Variants in THSD7B observed in about 807,000 individuals in gnomAD.
THSD7B encodes the protein thrombospondin type-1 domain-containing protein 7B.
Under a neutral mutation model 213.6 loss-of-function variants are expected in THSD7B, and 138 were observed. That is an observed-to-expected ratio of 0.65 (90% confidence interval 0.56 to 0.74). The LOEUF is 0.74. Among genes scored for constraint, THSD7B ranks in the 30% least tolerant of loss-of-function variants. THSD7B has a pLI of 0.00. For missense variants in THSD7B, 1,931 were observed against 1,991.5 expected (o/e 0.97, Z 0.58); for synonymous variants, 742 against 687.0 (o/e 1.08, Z -1.25).
At chr2:137,515,871 C>T (rs1454455837) in intron 15 of THSD7B, among the ~76,000 whole-genome samples, 2 of 152,206 alleles carry the variant, frequency 1.3e-5, no homozygotes, top group Non-Finnish European at 2.9e-5. Flanking sequence ...TCCAGACCTA[C>T]TAATCGCAGC....
chr2:137,401,507 T>G (rs1264948407), intron 12 of THSD7B, among the ~76,000 whole-genome samples: 1 of 152,214 alleles, frequency 6.6e-6, no homozygotes, highest in Non-Finnish European at 1.5e-5. Flanking sequence ...TTTAGTGTTT[T>G]CATTTCCAGT....
chr2:136,924,122 AT>A (rs1429656674), intron 2 of THSD7B, among the ~76,000 whole-genome samples: 1 of 151,736 alleles, frequency 6.6e-6, no homozygotes, highest in Admixed American at 6.6e-5. Context: ...TTTTATTTTT[AT>A]TTTTTGAGAT....
chr2:136,878,004 A>G (rs903081239), intron 1 of THSD7B, among the ~76,000 whole-genome samples: 3 of 151,862 alleles, frequency 2.0e-5, no homozygotes, highest in Admixed American at 6.6e-5. Context: ...ATGTGCCATG[A>G]TGGTGTGCTG....
At chr2:137,345,269 G>A (rs575239440) in intron 12 of THSD7B, among the ~76,000 whole-genome samples, 12 of 151,742 alleles carry the variant, frequency 7.9e-5, no homozygotes, top group Admixed American at 5.9e-4. Context: ...GAGGTTAATC[G>A]AGGAAGTACA....
chr2:137,643,090 T>G (rs1354636749), intron 21 of THSD7B, among the ~76,000 whole-genome samples: 7 of 152,226 alleles, frequency 4.6e-5, no homozygotes, highest in African/African-American at 1.7e-4. Context: ...AAGTTATATT[T>G]TAACATTATT....
At chr2:137,566,186 C>A (rs976631447) in intron 16 of THSD7B, among the ~76,000 whole-genome samples, 2 of 152,106 alleles carry the variant, frequency 1.3e-5, no homozygotes, top group Admixed American at 6.6e-5. Flanking sequence ...TGAATATTTG[C>A]CTTCTATGTA....
chr2:136,949,430 A>C (rs1313235325), intron 2 of THSD7B, among the ~76,000 whole-genome samples: 1 of 152,254 alleles, frequency 6.6e-6, no homozygotes, highest in African/African-American at 2.4e-5. Context: ...ATTTGAAGCC[A>C]GCTGGACTTG....
intron 14 of THSD7B, among the ~76,000 whole-genome samples, chr2:137,446,676 C>T (rs1167779679): frequency 1.3e-5 from 2 of 151,928 alleles, no homozygotes; most frequent in African/African-American, 4.8e-5. Flanking sequence ...TAAAGTATCC[C>T]TAGGCCAAGT....
At chr2:136,850,890 A>G (rs1385578557) in intron 1 of THSD7B, among the ~76,000 whole-genome samples, 1 of 152,032 alleles carries the variant, frequency 6.6e-6, no homozygotes, top group African/African-American at 2.4e-5. Context: ...TATATGTCTT[A>G]AACTATCATT....
chr2:137,664,271 T>C (rs1683407052), intron 26 of THSD7B, among the ~76,000 whole-genome samples: 1 of 152,198 alleles, frequency 6.6e-6, no homozygotes, highest in Non-Finnish European at 1.5e-5. Context: ...ATAAGAAATG[T>C]CCAGAGATCC....
At chr2:137,050,753 T>C (rs755102210) in intron 2 of THSD7B, among the ~76,000 whole-genome samples, 4 of 152,238 alleles carry the variant, frequency 2.6e-5, no homozygotes, top group Admixed American at 6.5e-5. Flanking sequence ...TTTATTTTTT[T>C]AATGATTTTT....
chr2:136,856,909 TGAGA>T (rs758600204), intron 1 of THSD7B, among the ~76,000 whole-genome samples: 4 of 152,218 alleles, frequency 2.6e-5, no homozygotes, highest in African/African-American at 7.2e-5. Context: ...AGAAAGAGAA[TGAGA>T]GAGAAAGTGA....
At chr2:137,457,238 A>G (rs1687780781) in intron 15 of THSD7B, among the ~76,000 whole-genome samples, 1 of 152,114 alleles carries the variant, frequency 6.6e-6, no homozygotes, top group Non-Finnish European at 1.5e-5. Context: ...ATTTTCCTGT[A>G]TCTGTTGTCC....
At chr2:137,326,980 C>T (rs1043651254) in intron 12 of THSD7B, among the ~76,000 whole-genome samples, 1 of 152,172 alleles carries the variant, frequency 6.6e-6, no homozygotes, top group Admixed American at 6.5e-5. Flanking sequence ...GTGGTCAATG[C>T]TGGAATACTT....
In THSD7B at chr2:136,985,696, G is replaced by T. The variant is rs922225112; in HGVS notation, c.140-70724G>T. On this transcript the variant is annotated intron_variant, in intron 2 of 27. Coordinates refer to ENST00000409968, the MANE Select transcript of THSD7B (RefSeq NM_001316349.2). Reference sequence around the variant, plus strand: ...AGCCCCCACACAGAGTCCTCAACAGGGTACTGCCTGGTGGAGCTGTGGGAA... The same window carrying T: ...AGCCCCCACACAGAGTCCTCAACAGTGTACTGCCTGGTGGAGCTGTGGGAA... 1.3e-4 allele frequency among the ~76,000 whole-genome samples: 20 copies of T among 152,292 alleles called. No homozygotes were observed. In the East Asian group the frequency reaches 1.7e-3, roughly 13 times the overall value.
intron 7 of THSD7B, among the ~76,000 whole-genome samples, chr2:137,209,819 T>C (rs1252943148): frequency 6.6e-6 from 1 of 152,110 alleles, no homozygotes; most frequent in Non-Finnish European, 1.5e-5. Flanking sequence ...TCAAAATTCA[T>C]ATGGTGAAGT....
chr2:137,058,286 C>T (rs897956094), intron 3 of THSD7B, among the ~76,000 whole-genome samples: 2 of 152,094 alleles, frequency 1.3e-5, no homozygotes, highest in Non-Finnish European at 2.9e-5. Flanking sequence ...CTTTTTATTG[C>T]CTACTTCTTT....
intron 1 of THSD7B, among the ~76,000 whole-genome samples, chr2:136,831,959 C>A (rs138115858): frequency 1.3e-5 from 2 of 152,236 alleles, no homozygotes; most frequent in African/African-American, 4.8e-5. Flanking sequence ...TTGTCCTGCT[C>A]ATTTGGCACC....
intron 11 of THSD7B, among the ~76,000 whole-genome samples, chr2:137,275,458 A>C (rs1285773079): frequency 5.3e-5 from 8 of 152,024 alleles, no homozygotes; most frequent in Admixed American, 5.3e-4. Flanking sequence ...TTTGTACCTC[A>C]AGCTTACAGA....
Sources: allele counts gnomAD v4.1 joint callset (sites outside exome capture counted in the v4.1 genomes callset), GRCh38; gene constraint gnomAD v4.1.1; transcripts MANE v1.5; gene names NCBI Gene and HGNC (gene_info 2026-07-23, HGNC 2026-07-21).